The following FHL2 variants were observed in gnomAD, a reference collection of about 807,000 sequenced individuals.
FHL2 encodes four and a half LIM domains 2, also known as four and a half LIM domains protein 2.
Under a neutral mutation model 32.7 loss-of-function variants are expected in FHL2, and 20 were observed. That is an observed-to-expected ratio of 0.61 (90% CI 0.43 to 0.89). The LOEUF (loss-of-function observed/expected upper bound fraction) is 0.89, where lower values mean the gene tolerates loss of function less well. Among genes scored for constraint, FHL2 ranks in the 40% least tolerant of loss-of-function variants. FHL2 has a pLI of 0.00. For missense variants in FHL2, 311 were observed against 358.6 expected, an observed-to-expected ratio of 0.87 and a Z score of 1.07; for synonymous variants, 123 against 128.1, an observed-to-expected ratio of 0.96 and a Z score of 0.27.
intron 2 of FHL2, 21 bp downstream of exon 2, chr2:105,396,624 CAG>C: frequency 6.2e-7 from 1 of 1,608,604 alleles, no homozygotes. Context: ...TTTAGGATAA[CAG>C]AGGAAATTCA....
chr2:105,393,845 G>A (rs76317965), intron 2 of FHL2, among the ~76,000 whole-genome samples: 9 of 152,264 alleles, frequency 5.9e-5, no homozygotes, highest in East Asian at 3.9e-4. Flanking sequence ...TGCTGCTTCC[G>A]CAGCGGATAT....
chr2:105,396,509 C>T lies in FHL2; in HGVS notation c.-25+138G>A, dbSNP rs534117854. On this transcript the variant is annotated intron_variant, in intron 2 of 6. Transcript: ENST00000530340. ...TGTCAATCTCATCCAAAAACACCCT[C>T]CCAGACACACCCAGAACATATGACT... is the stretch of plus-strand genomic sequence containing the variant. 2.8e-5 allele frequency: 20 copies of T among 719,810 alleles called. No homozygotes were observed. In the South Asian group the frequency reaches 3.6e-4, roughly 13 times the overall value. 44.6% of individuals were successfully genotyped at this position (719,810 alleles called of 1,614,324 possible). A position where few individuals can be genotyped will look rare whatever the true frequency, so the allele number is the denominator to read the frequency against.
Position 105,373,699 on chromosome 2 carries a change from GCTT to G in FHL2, c.188_190del (p.Glu63del). Reference sequence around the variant, plus strand: ...TCTGCACTGCGAGCAGTGGAAACAGGCTTCATGCCAGTGCCGGTCCTTGTAAGA... The same window carrying G: ...TCTGCACTGCGAGCAGTGGAAACAGGCATGCCAGTGCCGGTCCTTGTAAGA... On this transcript the variant is annotated inframe_deletion, in exon 4 of 7. Coordinates refer to ENST00000530340, the MANE Select transcript of FHL2 (RefSeq NM_001318895.3). The G allele has an allele frequency of 6.2e-7, 1 of 1,614,190 alleles. No individual in the cohort carries two copies. Among genetic ancestry groups the G allele is most frequent in the Non-Finnish European group, 8.5e-7 (1 of 1,180,046 alleles).
intron 3 of FHL2, chr2:105,386,149 G>A (rs1682291500): frequency 2.0e-6 from 1 of 501,968 alleles, no homozygotes; most frequent in South Asian, 4.0e-5. Flanking sequence ...AAGCACAAAA[G>A]TCCTGGCAAG....
At chr2:105,431,500 A>G (rs1684428700) in intron 1 of FHL2, among the ~76,000 whole-genome samples, 1 of 152,206 alleles carries the variant, frequency 6.6e-6, no homozygotes, top group East Asian at 1.9e-4. Flanking sequence ...TCTGACAGAG[A>G]TGCCAGCAGG....
chr2:105,364,343 C>G (rs928869071), intron 5 of FHL2, among the ~76,000 whole-genome samples: 2 of 152,168 alleles, frequency 1.3e-5, no homozygotes, highest in African/African-American at 2.4e-5. Flanking sequence ...CAGCCACTTA[C>G]GGTGAAAGAA....
In FHL2 at chr2:105,386,459, T is replaced by C. The variant is rs1682325072; in HGVS notation, c.58A>G (p.Ile20Val). 3 of 1,614,236 alleles carry C rather than the reference T, an allele frequency of 1.9e-6. No homozygotes were observed. Among genetic ancestry groups the C allele is most frequent in the South Asian group, 2.2e-5 (2 of 91,088 alleles). Residue 20 changes from isoleucine (I) to valine (V), a missense_variant, in exon 3 of 7, where the codon ATC becomes GTC. By Grantham distance (29) the Ile-to-Val change is conservative. Coordinates refer to ENST00000530340, the MANE Select transcript of FHL2 (RefSeq NM_001318895.3). ...CNESLFGKKYILREESPYCVV... is the reference protein window; with the variant it reads ...CNESLFGKKYVLREESPYCVV... Reference sequence around the variant, plus strand: ...CAGTAGGGGCTCTCCTCCCGCAGGATGTACTTCTTGCCAAAGAGAGATTCG... The same window carrying C: ...CAGTAGGGGCTCTCCTCCCGCAGGACGTACTTCTTGCCAAAGAGAGATTCG...
At chr2:105,390,391 A>C (rs1682640341) in intron 2 of FHL2, among the ~76,000 whole-genome samples, 1 of 152,220 alleles carries the variant, frequency 6.6e-6, no homozygotes. Context: ...CAGCAGGAAC[A>C]GTAGCAGCTG....
intron 4 of FHL2, among the ~76,000 whole-genome samples, chr2:105,369,509 A>G (rs1156280480): frequency 6.6e-6 from 1 of 152,190 alleles, no homozygotes; most frequent in East Asian, 1.9e-4. Flanking sequence ...GTTGGGGGGC[A>G]ATGTGTGAGA....
At chr2:105,386,019 G>A (rs1463246574) in intron 3 of FHL2, 5 of 407,258 alleles carry the variant, frequency 1.2e-5, no homozygotes, top group Non-Finnish European at 2.2e-5. Context: ...ACTCACCACG[G>A]GGCAAACAGA....
At chr2:105,371,875 G>A (rs2104525350) in intron 4 of FHL2, among the ~76,000 whole-genome samples, 1 of 152,246 alleles carries the variant, frequency 6.6e-6, no homozygotes, top group South Asian at 2.1e-4. Context: ...TGTGGGGCAG[G>A]ACACAGGTCA....
intron 3 of FHL2, chr2:105,385,913 C>G (rs1682275470): frequency 4.1e-6 from 1 of 246,334 alleles, no homozygotes; most frequent in South Asian, 1.8e-4. Flanking sequence ...GGACTTTGTG[C>G]TTTTATGTGC....
chr2:105,402,390 G>A (rs558062114), upstream of FHL2, among the ~76,000 whole-genome samples: 1 of 151,902 alleles, frequency 6.6e-6, no homozygotes, highest in South Asian at 2.1e-4. Context: ...GGGACTACAG[G>A]CATGTGCCAC....
chr2:105,438,286 A>G (rs1684673565), intron 1 of FHL2: 2 of 879,894 alleles, frequency 2.3e-6, no homozygotes, highest in African/African-American at 1.8e-5. Flanking sequence ...GCTTCCTCCC[A>G]GGGCTGGACA....
In FHL2 at chr2:105,424,018, A is replaced by T. The variant is rs60076008; in HGVS notation, c.-25+14381T>A. ...AAGCAATGGCAACAAAAGCCCAAAT[A>T]GACAAATGGGATCTAATTAAACTAA... is the stretch of plus-strand genomic sequence containing the variant. On this transcript the variant is annotated intron_variant, in intron 1 of 5. Transcript: ENST00000393352. 8.0e-4 allele frequency among the ~76,000 whole-genome samples: 122 copies of T among 152,288 alleles called. 4 individuals are homozygous for T. The East Asian group carries it at 0.016, about 20-fold the overall frequency.
At chr2:105,395,087 T>C (rs561761936) in intron 2 of FHL2, among the ~76,000 whole-genome samples, 1 of 152,358 alleles carries the variant, frequency 6.6e-6, no homozygotes, top group South Asian at 2.1e-4. Context: ...ATGTGCTACG[T>C]GAGGCACTGG....
chr2:105,368,441 C>T (rs1680792570), intron 4 of FHL2, among the ~76,000 whole-genome samples: 1 of 152,174 alleles, frequency 6.6e-6, no homozygotes, highest in Non-Finnish European at 1.5e-5. Flanking sequence ...CAGGGAAACT[C>T]CTGCCTCAAC....
chr2:105,386,827 C>T (rs1341522618), intron 2 of FHL2, among the ~76,000 whole-genome samples: 3 of 125,594 alleles, frequency 2.4e-5, no homozygotes, highest in African/African-American at 9.5e-5. Context: ...TGCAGTGGTG[C>T]GATCTCGGCT....
intron 3 of FHL2, among the ~76,000 whole-genome samples, chr2:105,377,053 A>T (rs1681522156): frequency 6.6e-6 from 1 of 152,258 alleles, no homozygotes. Flanking sequence ...TCTGTAACCC[A>T]TTCATGCCTG....
Sources: allele counts gnomAD v4.1 joint callset (sites outside exome capture counted in the v4.1 genomes callset), GRCh38; gene constraint gnomAD v4.1.1; transcripts MANE v1.5; gene names NCBI Gene and HGNC (gene_info 2026-07-23, HGNC 2026-07-21).